The following ANKRD50 variants were observed in gnomAD, a reference collection of about 807,000 sequenced individuals.
ANKRD50 encodes the protein ankyrin repeat domain-containing protein 50.
Under a neutral mutation model 112.0 loss-of-function variants are expected in ANKRD50, and 40 were observed. The observed-to-expected ratio is 0.36, with a 90% CI of 0.28 to 0.46. The LOEUF (loss-of-function observed/expected upper bound fraction) is 0.46, where lower values mean the gene tolerates loss of function less well. Ranked by LOEUF, ANKRD50 falls within the 20% of genes least tolerant of loss-of-function variation. ANKRD50 has a pLI of 1.00. For missense variants in ANKRD50, 1,487 were observed against 1,701.7 expected (o/e 0.87, Z 2.22); for synonymous variants, 613 against 619.1 (o/e 0.99, Z 0.15).
chr4:124,693,457 T>C (rs572471229), intron 2 of ANKRD50, among the ~76,000 whole-genome samples: 20 of 152,276 alleles, frequency 1.3e-4, no homozygotes, highest in African/African-American at 3.1e-4. Flanking sequence ...TAATTACCTA[T>C]AGCTCCTGAA....
chr4:124,677,231 A>G (rs1730793616), intron 3 of ANKRD50, among the ~76,000 whole-genome samples: 2 of 151,784 alleles, frequency 1.3e-5, no homozygotes, highest in South Asian at 4.1e-4. Flanking sequence ...AAGTAAATTT[A>G]ACTGGAGTTC....
intron 4 of ANKRD50, among the ~76,000 whole-genome samples, chr4:124,668,697 T>C (rs867650477): frequency 2.0e-5 from 3 of 152,044 alleles, no homozygotes; most frequent in Admixed American, 6.6e-5. Context: ...TAGAAAACCC[T>C]ACCCTCACAA....
chr4:124,678,106 AAAATGTAT>A (rs2110512446), intron 3 of ANKRD50, among the ~76,000 whole-genome samples: 1 of 152,260 alleles, frequency 6.6e-6, no homozygotes, highest in East Asian at 1.9e-4. Context: ...AACATACTGT[AAAATGTAT>A]AGAACTACTC....
intron 2 of ANKRD50, among the ~76,000 whole-genome samples, chr4:124,708,844 A>T (rs1169761298): frequency 6.6e-6 from 1 of 152,040 alleles, no homozygotes; most frequent in Non-Finnish European, 1.5e-5. Flanking sequence ...ACTACCTCAC[A>T]GGATTATTAT....
At chr4:124,707,003 A>C (rs1725521078) in intron 2 of ANKRD50, among the ~76,000 whole-genome samples, 1 of 152,084 alleles carries the variant, frequency 6.6e-6, no homozygotes, top group African/African-American at 2.4e-5. Context: ...AAGTCAAAGA[A>C]TCTTAAGTTG....
At chr4:124,683,100 C>T (rs762024332) in intron 2 of ANKRD50, among the ~76,000 whole-genome samples, 1 of 151,278 alleles carries the variant, frequency 6.6e-6, no homozygotes, top group African/African-American at 2.4e-5. Context: ...TATATATATA[C>T]CCATATATGT....
At chr4:124,692,321 A>G (rs1221462485) in intron 2 of ANKRD50, among the ~76,000 whole-genome samples, 1 of 152,170 alleles carries the variant, frequency 6.6e-6, no homozygotes, top group Non-Finnish European at 1.5e-5. Flanking sequence ...ATATATAGAC[A>G]CTGAAATATA....
In ANKRD50 at chr4:124,669,372, G is replaced by A; in HGVS notation, c.3905C>T (p.Thr1302Ile). 6.2e-7 allele frequency: 1 copy of A among 1,613,660 alleles called. No individual in the cohort carries two copies. The highest frequency in any genetic ancestry group is 1.3e-5 in the African/African-American group (1 of 74,964). Reference protein sequence around the residue: ...SQPKVLEYEMTQFDRRGPIAK... With the variant: ...SQPKVLEYEMIQFDRRGPIAK... Reference sequence around the variant, plus strand: ...TATAGGTCCTCTTCTATCAAACTGAGTCATTTCATATTCTAAAACCTTTGG... The same window carrying A: ...TATAGGTCCTCTTCTATCAAACTGAATCATTTCATATTCTAAAACCTTTGG... The change falls in exon 4 of 5, where the codon ACT (threonine) becomes ATT (isoleucine). Residue 1302 changes from threonine to isoleucine, a missense_variant. Transcript: ENST00000504087.
intron 3 of ANKRD50, among the ~76,000 whole-genome samples, chr4:124,676,040 G>A (rs985050642): frequency 2.6e-5 from 4 of 151,782 alleles, no homozygotes; most frequent in East Asian, 1.9e-4. Flanking sequence ...GATGATACAC[G>A]TGCAATTTTA....
rs1725617461 is a variant in ANKRD50 at position 124,711,024 on chromosome 4, G to C, written c.-513C>G. 1 of 349,442 alleles carries C rather than the reference G, an allele frequency of 2.9e-6. No homozygotes were observed. The highest frequency in any genetic ancestry group is 5.1e-6 in the Non-Finnish European group (1 of 195,702). The allele number at this position is 349,442 out of a possible 1,614,324, so 21.6% of individuals were successfully genotyped here. ...CGGTATGAGGTACAGTATGTAAGTAGCTCTGTATTTCTCGTTGAAGGATGA... is the reference window on the plus strand; with the variant it reads ...CGGTATGAGGTACAGTATGTAAGTACCTCTGTATTTCTCGTTGAAGGATGA... On this transcript the variant is annotated 5_prime_UTR_variant, in exon 2 of 5. Transcript: ENST00000504087.
At position 124,703,257 on chromosome 4, in the gene ANKRD50, C is replaced by T. The variant is rs531273961; in HGVS notation, c.512+6743G>A. ...AAGCCTAAAGGCAAATTGAGCAGTA[C>T]GTTCACAGGCAATCATGCATAAACA... On this transcript the variant is annotated intron_variant, in intron 2 of 4. Coordinates refer to ENST00000504087, the MANE Select transcript of ANKRD50 (RefSeq NM_020337.3). Among the ~76,000 whole-genome samples the T allele has an allele frequency of 3.3e-5, 5 of 152,178 alleles. No individual in the cohort carries two copies. The South Asian group carries it at 6.2e-4, about 19-fold the overall frequency.
At position 124,670,633 on chromosome 4, in the gene ANKRD50, T is replaced by C. The variant is rs374155696; in HGVS notation, c.2644A>G (p.Ile882Val). 52 of 1,613,464 alleles carry C rather than the reference T, an allele frequency of 3.2e-5. No individual in the cohort carries two copies. The highest frequency in any genetic ancestry group is 1.6e-4 in the Middle Eastern group (1 of 6,076). The change falls in exon 4 of 5, where the codon ATC (isoleucine) becomes GTC (valine). Residue 882 changes from isoleucine to valine, a missense_variant. By Grantham distance (29) the Ile-to-Val change is conservative. Around this residue, in one of 2 missense-constraint regions of ANKRD50, gnomAD observed 1,046 missense variants for 1,269.5 expected, o/e 0.82. Coordinates refer to ENST00000504087, the MANE Select transcript of ANKRD50 (RefSeq NM_020337.3). ...TCTTGTGAAGCTAATATGAAAGGGA[T>C]TCGTCCATCATTGTCAATCTCATTT... ...RTNEIDNDGRIPFILASQEGH... is the reference protein window; with the variant it reads ...RTNEIDNDGRVPFILASQEGH...
chr4:124,687,496 C>T (rs28815787), intron 2 of ANKRD50, among the ~76,000 whole-genome samples: 6,415 of 151,162 alleles, frequency 0.042, 157 homozygotes, highest in Middle Eastern at 0.078. Context: ...TCACCAAAAG[C>T]GGGATCCATA....
intron 2 of ANKRD50, among the ~76,000 whole-genome samples, chr4:124,684,763 A>C (rs775961756): frequency 6.6e-6 from 1 of 152,150 alleles, no homozygotes; most frequent in Non-Finnish European, 1.5e-5. Context: ...TCTTGCCTTG[A>C]AGTTATTCCC....
At chr4:124,702,016 A>C (rs1384840670) in intron 2 of ANKRD50, among the ~76,000 whole-genome samples, 1 of 152,214 alleles carries the variant, frequency 6.6e-6, no homozygotes, top group African/African-American at 2.4e-5. Flanking sequence ...GTTTTATTAA[A>C]TGCTAAGAAA....
chr4:124,688,635 G>GC (rs1448579103), intron 2 of ANKRD50, among the ~76,000 whole-genome samples: 2 of 151,998 alleles, frequency 1.3e-5, no homozygotes, highest in African/African-American at 2.4e-5. Context: ...CTCCATATGT[G>GC]CAATATTGAG....
At position 124,670,181 on chromosome 4, in the gene ANKRD50, A is replaced by G; in HGVS notation, c.3096T>C (p.Ile1032=). ...QGHVKVVQLL[I]EHGAVVDHTC... is the part of the protein sequence containing the mutation. ...TATGGTCAACTACAGCACCATGCTC[A>G]ATCAGAAGCTGAACCACTTTTACAT... Residue 1032 remains isoleucine (I), a synonymous_variant, in exon 4 of 5, where the codon ATT becomes ATC. Transcript: ENST00000504087. 1 of 1,612,580 alleles carries G rather than the reference A, an allele frequency of 6.2e-7. No homozygotes were observed. Among genetic ancestry groups the G allele is most frequent in the African/African-American group, 1.3e-5 (1 of 74,880 alleles).
chr4:124,708,238 A>G (rs1725549536), intron 2 of ANKRD50, among the ~76,000 whole-genome samples: 1 of 152,122 alleles, frequency 6.6e-6, no homozygotes, highest in Admixed American at 6.5e-5. Context: ...AGACTACATT[A>G]TTTATTCTGT....
rs1730567735 is a variant in ANKRD50, at chr4:124,669,150, A to G, written c.4127T>C (p.Leu1376Pro). 1 of 1,613,598 alleles carries G rather than the reference A, an allele frequency of 6.2e-7. No individual in the cohort carries two copies. The highest frequency in any genetic ancestry group is 1.3e-5 in the African/African-American group (1 of 74,868). Residue 1376 changes from leucine (L) to proline (P), a missense_variant, in exon 4 of 5, where the codon CTT becomes CCT. Around this residue, in one of 2 missense-constraint regions of ANKRD50, gnomAD observed 441 missense variants for 432.2 expected, o/e 1.02. Transcript: ENST00000504087. Reference sequence around the variant, plus strand: ...TGTTCGTGGGACTGAAACCCTACCAAGAAAAACCTGGTTGCTCTGAAGATG... The same window carrying G: ...TGTTCGTGGGACTGAAACCCTACCAGGAAAAACCTGGTTGCTCTGAAGATG... ...NYHLQSNQVF[L>P]GRVSVPRTMQ...
Sources: gnomAD v4.1 joint callset for allele counts (sites outside exome capture counted in the v4.1 genomes callset) on GRCh38, gnomAD v4.1.1 for gene constraint, gnomAD v4.1.1 regional missense constraint, MANE v1.5 for transcripts, NCBI Gene and HGNC (gene_info 2026-07-23, HGNC 2026-07-21) for gene names.